SPATA22: variants seen among roughly 807,000 people sequenced by gnomAD.
The protein encoded by SPATA22 is spermatogenesis associated 22.
A neutral mutation model predicts 47.8 loss-of-function variants in SPATA22; 29 were observed. The observed-to-expected ratio is 0.61, with a 90% confidence interval of 0.45 to 0.83. SPATA22 has a LOEUF of 0.83. SPATA22 is among the 40% of genes least tolerant of loss of function. The pLI, the probability that SPATA22 is intolerant of heterozygous loss-of-function variation, is 0.00. For missense variants in SPATA22, 410 were observed against 421.7 expected (o/e 0.97, Z 0.24); for synonymous variants, 133 against 140.9 (o/e 0.94, Z 0.40).
intron 7 of SPATA22, among the ~76,000 whole-genome samples, chr17:3,444,638 G>C (rs547634134): frequency 6.6e-6 from 1 of 152,188 alleles, no homozygotes; most frequent in South Asian, 2.1e-4. Context: ...TGAGCAGCTA[G>C]ATCAAGCTTT....
In SPATA22 at chr17:3,488,528, G is replaced by A. The variant is rs1037538213; in HGVS notation, c.-73-19130C>T. Among the ~76,000 whole-genome samples the A allele has an allele frequency of 2.0e-5, 3 of 152,058 alleles. No homozygotes were observed. Among genetic ancestry groups the A allele is most frequent in the Admixed American group, 1.3e-4 (2 of 15,260 alleles). ...AAAAATAAGCCAGGAATGGTGGCCCGTGCCTGTAATCCCAGCTACTCGGGA... is the reference window on the plus strand; with the variant it reads ...AAAAATAAGCCAGGAATGGTGGCCCATGCCTGTAATCCCAGCTACTCGGGA... On this transcript the variant is annotated intron_variant, in intron 1 of 8. Transcript: ENST00000541913. This position sits in a 1 kb window ranked among gnomAD's most constrained non-coding sequence, Gnocchi z 6.1.
intron 3 of SPATA22, among the ~76,000 whole-genome samples, chr17:3,465,109 G>T (rs2073262726): frequency 1.5e-5 from 2 of 130,664 alleles, no homozygotes; most frequent in African/African-American, 5.8e-5. Flanking sequence ...CGTCTGGGAA[G>T]TGAGGAGCGT....
intron 1 of SPATA22, among the ~76,000 whole-genome samples, chr17:3,491,878 T>C (rs1050590706): frequency 1.8e-4 from 2 of 11,266 alleles, no homozygotes; most frequent in African/African-American, 4.6e-4. Flanking sequence ...TTTTGTTTTC[T>C]TTTTTTTTTT....
chr17:3,466,614 A>G (rs957127386), intron 3 of SPATA22, among the ~76,000 whole-genome samples: 3 of 152,254 alleles, frequency 2.0e-5, no homozygotes, highest in Non-Finnish European at 2.9e-5. Context: ...GCTGTAAGGA[A>G]GCCAACTGGA....
At chr17:3,464,105 C>T (rs1021922605) in intron 3 of SPATA22, among the ~76,000 whole-genome samples, 3 of 151,934 alleles carry the variant, frequency 2.0e-5, no homozygotes, top group African/African-American at 7.2e-5. Context: ...CTCACCCTGC[C>T]GAGTGCCTGC....
chr17:3,512,797 C>CAAA (rs1356369862), intron 1 of SPATA22: 1 of 151,970 alleles, frequency 6.6e-6, no homozygotes, highest in Non-Finnish European at 1.5e-5. Context: ...CCTTCAGCTT[C>CAAA]AAAATTCACA....
intron 1 of SPATA22, among the ~76,000 whole-genome samples, chr17:3,480,913 A>G (rs761184738): frequency 1.3e-5 from 2 of 152,210 alleles, no homozygotes; most frequent in Non-Finnish European, 2.9e-5. Context: ...AGGCAGTTTT[A>G]GTTCAAGACC....
At chr17:3,513,319 G>C (rs554116946) in intron 1 of SPATA22, 2 of 152,654 alleles carry the variant, frequency 1.3e-5, no homozygotes, top group African/African-American at 4.8e-5. Context: ...GTCAGGGGAC[G>C]TTCACTCCAA....
intron 1 of SPATA22, chr17:3,500,419 C>T (rs1457832124): frequency 6.6e-6 from 1 of 152,266 alleles, no homozygotes; most frequent in Non-Finnish European, 1.5e-5. Context: ...AAAGGACAGC[C>T]TGACTCTCTT....
chr17:3,472,237 C>G (rs2073452844), upstream of SPATA22: 3 of 152,328 alleles, frequency 2.0e-5, no homozygotes, highest in African/African-American at 7.2e-5. Flanking sequence ...GAATCTGAGT[C>G]CCCGGGAGGC....
intron 1 of SPATA22, among the ~76,000 whole-genome samples, chr17:3,487,177 G>A (rs2073739402): frequency 6.6e-6 from 1 of 152,116 alleles, no homozygotes; most frequent in Non-Finnish European, 1.5e-5. Context: ...TGAGAACAGA[G>A]TACAAAGGTG....
intron 1 of SPATA22, among the ~76,000 whole-genome samples, chr17:3,509,500 C>T (rs2074084225): frequency 6.6e-6 from 1 of 152,142 alleles, no homozygotes; most frequent in Non-Finnish European, 1.5e-5. Flanking sequence ...TGATCTCATT[C>T]CTTTTTATGG....
chr17:3,483,641 G>GA, intron 1 of SPATA22: 4 of 1,474,312 alleles, frequency 2.7e-6, no homozygotes, highest in Non-Finnish European at 3.8e-6. Flanking sequence ...TGTCCTAGCT[G>GA]AAACTCAGAG....
intron 5 of SPATA22, among the ~76,000 whole-genome samples, chr17:3,453,845 T>C (rs975664552): frequency 7.9e-5 from 12 of 152,068 alleles, no homozygotes; most frequent in African/African-American, 2.7e-4. Context: ...TTCAGACAAG[T>C]AATACTCAAC....
chr17:3,465,079 C>T (rs1447507839), intron 3 of SPATA22, among the ~76,000 whole-genome samples: 4 of 105,164 alleles, frequency 3.8e-5, no homozygotes, highest in Non-Finnish European at 6.6e-5. Flanking sequence ...GGGGTCAGCC[C>T]CTCCACCCGG....
At chr17:3,478,059 C>A (rs570070942) in intron 1 of SPATA22, among the ~76,000 whole-genome samples, 11 of 152,136 alleles carry the variant, frequency 7.2e-5, no homozygotes, top group Admixed American at 3.3e-4. Context: ...GTGGCGGGCA[C>A]CTGTAGTCCC....
At chr17:3,482,473 G>C (rs1237324440) in intron 1 of SPATA22, among the ~76,000 whole-genome samples, 1 of 152,158 alleles carries the variant, frequency 6.6e-6, no homozygotes, top group Non-Finnish European at 1.5e-5. Flanking sequence ...TCCTTCCTGA[G>C]AGCAAGGATG....
At chr17:3,462,298 T>C (rs1035308085) in intron 5 of SPATA22, among the ~76,000 whole-genome samples, 185 bp downstream of exon 5, 2 of 152,244 alleles carry the variant, frequency 1.3e-5, no homozygotes, top group African/African-American at 4.8e-5. Context: ...TTTTAAGTTT[T>C]ACATGCATGT....
At position 3,462,619 on chromosome 17, in the gene SPATA22, T is replaced by C. The variant is rs530724818; in HGVS notation, c.234-41A>G. 1.0e-5 allele frequency: 16 copies of C among 1,595,374 alleles called. No homozygotes were observed. The East Asian group carries it at 3.1e-4, about 31-fold the overall frequency. On this transcript the variant is annotated intron_variant, in intron 4 of 8. Transcript: ENST00000572969. Reference sequence around the variant, plus strand: ...GTCTTGTTAAATATTAATAGTTTGCTTTCAAATTGAGAAATTAAGATATAC... The same window carrying C: ...GTCTTGTTAAATATTAATAGTTTGCCTTCAAATTGAGAAATTAAGATATAC...
Sources: allele counts gnomAD v4.1 joint callset (sites outside exome capture counted in the v4.1 genomes callset), GRCh38; gene constraint gnomAD v4.1.1; non-coding constraint Gnocchi (gnomAD v3.1); transcripts MANE v1.5; gene names NCBI Gene and HGNC (gene_info 2026-07-23, HGNC 2026-07-21).